Variants in CRIPTO observed in about 807,000 individuals in gnomAD.
The protein encoded by CRIPTO is cripto, EGF-CFC family member, also known as protein Cripto.
the CRIPTO span, chr3:46,580,092 T>C: frequency 6.2e-7 from 1 of 1,614,182 alleles, no homozygotes; most frequent in Non-Finnish European, 8.5e-7. Context: ...TCTTTTGCCC[T>C]TTGAAGTTAC....
At chr3:46,580,051 C>A in the CRIPTO span, 1 of 1,614,216 alleles carries the variant, frequency 6.2e-7, no homozygotes, top group Non-Finnish European at 8.5e-7. Context: ...GGCATTTCTA[C>A]CCGGCTGTGG....
At chr3:46,578,199 T>C in the CRIPTO span, among the ~76,000 whole-genome samples, 17 of 152,208 alleles carry the variant, frequency 1.1e-4, no homozygotes, top group Admixed American at 1.0e-3. Flanking sequence ...TTTTAACATT[T>C]TCGTGTTAAT....
At chr3:46,579,716 AGTCATCT>A in the CRIPTO span, 4 of 1,610,952 alleles carry the variant, frequency 2.5e-6, no homozygotes, top group Non-Finnish European at 3.4e-6. Context: ...CTACACCCTC[AGTCATCT>A]GTTCTTACCT....
chr3:46,576,747 A>G, the CRIPTO span, among the ~76,000 whole-genome samples: 38 of 152,218 alleles, frequency 2.5e-4, no homozygotes, highest in African/African-American at 8.7e-4. Context: ...TGCGATTTAG[A>G]AACTATTAAC....
At chr3:46,576,431 A>G in the CRIPTO span, among the ~76,000 whole-genome samples, 28 of 142,274 alleles carry the variant, frequency 2.0e-4, no homozygotes, top group Admixed American at 7.5e-5. Context: ...CAGTGAGCCA[A>G]GATCGTGCCA....
chr3:46,580,229 C>T, the CRIPTO span: 1 of 840,586 alleles, frequency 1.2e-6, no homozygotes, highest in Non-Finnish European at 1.9e-6. Context: ...GCCTTGGCCT[C>T]TTTGATATTT....
At chr3:46,578,554 C>A in the CRIPTO span, among the ~76,000 whole-genome samples, 1 of 152,002 alleles carries the variant, frequency 6.6e-6, no homozygotes, top group Non-Finnish European at 1.5e-5. Context: ...ATTAAAAATA[C>A]AAAAATTAGC....
At chr3:46,575,084 C>T in the CRIPTO span, among the ~76,000 whole-genome samples, 5 of 152,218 alleles carry the variant, frequency 3.3e-5, no homozygotes, top group African/African-American at 1.2e-4. Context: ...CACTCATTGG[C>T]CTGGAGGCTG....
chr3:46,575,964 C>T, the CRIPTO span, among the ~76,000 whole-genome samples: 2 of 152,186 alleles, frequency 1.3e-5, no homozygotes, highest in Admixed American at 6.5e-5. Flanking sequence ...CTCCGGCCTC[C>T]TAGAGCTTCA....
the CRIPTO span, chr3:46,579,820 A>G: frequency 1.2e-6 from 2 of 1,613,808 alleles, no homozygotes; most frequent in East Asian, 4.5e-5. Flanking sequence ...CCCTCCTTCT[A>G]CGGACGGAAC....
At chr3:46,579,688 C>T in the CRIPTO span, 2 of 1,579,516 alleles carry the variant, frequency 1.3e-6, no homozygotes, top group Non-Finnish European at 1.7e-6. Context: ...CAGGAATTGC[C>T]CTTGCACTTT....
the CRIPTO span, chr3:46,581,115 G>GCAT: frequency 1.9e-6 from 3 of 1,597,798 alleles, no homozygotes; most frequent in Non-Finnish European, 2.6e-6. Flanking sequence ...TAATGACCAA[G>GCAT]CATCCCTACC....
chr3:46,580,116 G>C, the CRIPTO span: 267 of 1,612,284 alleles, frequency 1.7e-4, no homozygotes, highest in South Asian at 2.8e-3. Context: ...GTTGCCTTGG[G>C]GGGTGCTTAG....
At chr3:46,575,592 G>C in the CRIPTO span, among the ~76,000 whole-genome samples, 6 of 152,292 alleles carry the variant, frequency 3.9e-5, no homozygotes, top group African/African-American at 1.2e-4. Flanking sequence ...AACATCGCCA[G>C]ACTGGAGACC....
the CRIPTO span, chr3:46,579,328 G>C: frequency 4.3e-6 from 7 of 1,614,026 alleles, no homozygotes; most frequent in Admixed American, 6.7e-5. Context: ...ATTCGGCCTC[G>C]GTCTTCCCAG....
At chr3:46,580,589 C>A in the CRIPTO span, among the ~76,000 whole-genome samples, 5 of 151,618 alleles carry the variant, frequency 3.3e-5, no homozygotes, top group African/African-American at 7.2e-5. Context: ...ACCCTTTCAC[C>A]TTCTTGATTT....
the CRIPTO span, chr3:46,577,696 C>T: frequency 5.6e-6 from 3 of 536,454 alleles, no homozygotes; most frequent in African/African-American, 5.7e-5. Context: ...GGTCTCCCCG[C>T]CCCGACTGGG....
At chr3:46,581,222 T>C in the CRIPTO span, 1 of 1,614,152 alleles carries the variant, frequency 6.2e-7, no homozygotes, top group Admixed American at 1.7e-5. Context: ...CTAGTTGGCA[T>C]CTGCCTTTCT....
the CRIPTO span, among the ~76,000 whole-genome samples, chr3:46,580,959 A>C: frequency 6.6e-6 from 1 of 152,052 alleles, no homozygotes; most frequent in Non-Finnish European, 1.5e-5. Flanking sequence ...TCAGAATCTA[A>C]CCAGGTTGTG....
Sources: allele counts gnomAD v4.1 joint callset (sites outside exome capture counted in the v4.1 genomes callset), GRCh38; gene constraint gnomAD v4.1.1; transcripts MANE v1.5; gene names NCBI Gene and HGNC (gene_info 2026-07-23, HGNC 2026-07-21).